Variants in PREX1 observed in about 807,000 individuals in gnomAD.
The protein encoded by PREX1 is phosphatidylinositol-3,4,5-trisphosphate dependent Rac exchange factor 1.
A neutral mutation model predicts 198.3 loss-of-function variants in PREX1; 41 were observed. The observed-to-expected ratio is 0.21, with a 90% CI of 0.16 to 0.27. The LOEUF is 0.27. Among genes scored for constraint, PREX1 ranks in the 10% least tolerant of loss-of-function variants. The probability of loss-of-function intolerance (pLI) is 1.00; values close to 1 mark genes in which losing one functional copy is unlikely to be tolerated. For synonymous variants in PREX1, 843 were observed against 887.2 expected, an observed-to-expected ratio of 0.95 and a Z score of 0.89; for missense variants, 1,620 against 2,200.7, an observed-to-expected ratio of 0.74 and a Z score of 5.28.
intron 2 of PREX1, among the ~76,000 whole-genome samples, chr20:48,746,985 CACACACACACACACACACACACACA>C (rs2090111072): frequency 3.5e-5 from 5 of 141,896 alleles, no homozygotes; most frequent in South Asian, 2.2e-4. Flanking sequence ...CACACACACA[CACACACACACACACACACACACACA>C]CCCCACCCCC....
At position 48,651,538 on chromosome 20, in the gene PREX1, T is replaced by C. The variant is rs753983295; in HGVS notation, c.2513A>G (p.Asp838Gly). ...CACAGTCAGGGTGACCATGGGGCTG[T>C]CCTCACACAGGCTCAGCCGGGGACC... ...SLGPRLSLCE[D>G]SPMVTLTVDN... Residue 838 changes from aspartate (D) to glycine (G), a missense_variant, in exon 22 of 40, where the codon GAC becomes GGC. By Grantham distance (94) the Asp-to-Gly change is moderately conservative (BLOSUM62 -1). Transcript: ENST00000371941. 1 of 1,614,068 alleles carries C rather than the reference T, an allele frequency of 6.2e-7. No homozygotes were observed. The highest frequency in any genetic ancestry group is 1.7e-5 in the Admixed American group (1 of 60,026).
At chr20:48,681,123 C>T in intron 11 of PREX1, 112 bp downstream of exon 11, 1 of 938,130 alleles carries the variant, frequency 1.1e-6, no homozygotes, top group East Asian at 2.4e-5. Flanking sequence ...GCCCAGAAAA[C>T]ACGGCGGCTG....
chr20:48,660,376 T>C (rs749237352), intron 15 of PREX1, among the ~76,000 whole-genome samples: 12 of 152,206 alleles, frequency 7.9e-5, no homozygotes, highest in South Asian at 2.1e-4. Context: ...CAGAAGGGAA[T>C]AGAAGTCACA....
At chr20:48,634,895 G>A in intron 32 of PREX1, 120 bp from the exon 33 acceptor site, 2 of 763,578 alleles carry the variant, frequency 2.6e-6, no homozygotes, top group Non-Finnish European at 4.5e-6. Context: ...TGGGTGCCAG[G>A]TCCTGAGCGT....
rs73909690 is a variant in PREX1 at position 48,626,304 on chromosome 20, G to C, written c.4938-377C>G. Among the ~76,000 whole-genome samples, 1,440 of 152,294 alleles carry C rather than the reference G, an allele frequency of 9.5e-3. 17 individuals are homozygous for C. Among genetic ancestry groups the C allele is most frequent in the African/African-American group, 0.033 (1,355 of 41,552 alleles). ...AACTCTATATGCAGAGATGGTTTTG[G>C]AGCCGGGGGACCAGACAGGAGGCTG... On this transcript the variant is annotated intron_variant, in intron 39 of 39. Coordinates refer to ENST00000371941, the MANE Select transcript of PREX1 (RefSeq NM_020820.4).
At chr20:48,704,973 A>C (rs779898418) in intron 6 of PREX1, among the ~76,000 whole-genome samples, 2 of 152,186 alleles carry the variant, frequency 1.3e-5, no homozygotes, top group Non-Finnish European at 2.9e-5. Context: ...CGCTGGGCAC[A>C]AGTTCCAGTC....
chr20:48,881,782 G>C, the PREX1 span, among the ~76,000 whole-genome samples: 2 of 152,164 alleles, frequency 1.3e-5, no homozygotes, highest in Admixed American at 6.5e-5. Flanking sequence ...ACAGCACCTG[G>C]CCTACAATTC....
At chr20:48,629,011 T>C (rs1257867679) in intron 37 of PREX1, among the ~76,000 whole-genome samples, 1 of 150,698 alleles carries the variant, frequency 6.6e-6, no homozygotes, top group East Asian at 2.0e-4. Context: ...GTGGGGAGAG[T>C]GGGCACAGTT....
chr20:48,671,081 TC>T (rs2089672074), intron 14 of PREX1, among the ~76,000 whole-genome samples: 1 of 152,136 alleles, frequency 6.6e-6, no homozygotes. Flanking sequence ...GCAAGCCACC[TC>T]CCGAAGTCAG....
chr20:48,664,795 A>C (rs1027228737), intron 15 of PREX1, among the ~76,000 whole-genome samples: 1 of 150,932 alleles, frequency 6.6e-6, no homozygotes, highest in African/African-American at 2.4e-5. Context: ...TCCCGGCTCC[A>C]GACGGCCTGA....
At chr20:48,850,722 C>G in the PREX1 span, among the ~76,000 whole-genome samples, 1 of 152,116 alleles carries the variant, frequency 6.6e-6, no homozygotes, top group Non-Finnish European at 1.5e-5. Flanking sequence ...GGAATGGGAG[C>G]CAAGAGCCCG....
intron 7 of PREX1, among the ~76,000 whole-genome samples, chr20:48,693,317 C>A (rs993773851): frequency 6.6e-6 from 1 of 152,180 alleles, no homozygotes; most frequent in Non-Finnish European, 1.5e-5. Context: ...CTCCAAAATT[C>A]ATGTTATATC....
chr20:48,831,238 C>T (rs560198458), upstream of PREX1, among the ~76,000 whole-genome samples: 1 of 152,314 alleles, frequency 6.6e-6, no homozygotes, highest in African/African-American at 2.4e-5. Flanking sequence ...TAAACTTAAG[C>T]TCCCAGCAGG....
intron 7 of PREX1, among the ~76,000 whole-genome samples, chr20:48,696,633 A>G (rs912731721): frequency 6.6e-6 from 1 of 150,934 alleles, no homozygotes; most frequent in Non-Finnish European, 1.5e-5. Flanking sequence ...ACATACATAC[A>G]TACATACACA....
chr20:48,649,565 G>C lies in PREX1; in HGVS notation c.3040C>G (p.Pro1014Ala), dbSNP rs1601043521. ...GLDPEQGHLN[P>A]MSYTQHCITT... ...ATGCAGTGCTGGGTGTACGACATGG[G>C]GTTCAGGTGGCCTGCAGTGGAGGAA... The change falls in exon 25 of 40, where the codon CCC becomes GCC. Residue 1014 changes from proline (P) to alanine (A), a missense_variant. Around this residue, in one of 7 missense-constraint regions of PREX1, gnomAD observed 514 missense variants for 611.6 expected, o/e 0.84. Transcript: ENST00000371941. The C allele has an allele frequency of 1.3e-6, 2 of 1,595,536 alleles. No homozygotes were observed. The highest frequency in any genetic ancestry group is 2.7e-5 in the African/African-American group (2 of 74,498).
intron 6 of PREX1, among the ~76,000 whole-genome samples, 195 bp from the exon 7 acceptor site, chr20:48,701,081 C>T (rs2123068569): frequency 6.6e-6 from 1 of 152,262 alleles, no homozygotes; most frequent in East Asian, 1.9e-4. Context: ...CTGGGGAGGG[C>T]ACACTGATAT....
In PREX1 at chr20:48,681,353, T is replaced by C; in HGVS notation, c.1335-18A>G. On this transcript the variant is annotated intron_variant, in intron 10 of 39. Coordinates refer to ENST00000371941, the MANE Select transcript of PREX1 (RefSeq NM_020820.4). ...CGAACTCACTGCCAGGAACACAATA[T>C]GTGGTTGAGAGGATTTCCCCAATTC... 5 of 1,612,362 alleles carry C rather than the reference T, an allele frequency of 3.1e-6. No homozygotes were observed. The South Asian group carries it at 3.3e-5, about 11-fold the overall frequency.
At chr20:48,747,914 G>C (rs199812019) in intron 1 of PREX1, 34 bp from the exon 2 acceptor site, 1 of 1,574,476 alleles carries the variant, frequency 6.4e-7, no homozygotes, top group Non-Finnish European at 8.7e-7. Flanking sequence ...GTGAGTGTCC[G>C]CGTCTCCAGC....
Position 48,700,748 on chromosome 20 carries a change from C to A in PREX1, c.917+5G>T. 1 of 1,612,814 alleles carries A rather than the reference C, an allele frequency of 6.2e-7. No individual in the cohort carries two copies. The highest frequency in any genetic ancestry group is 8.5e-7 in the Non-Finnish European group (1 of 1,179,990). Reference sequence around the variant, plus strand: ...AGACCCCATCCCAGCCTCCTGGCCACTCACCTGGATTTCCGCTTGCAGTAG... The same window carrying A: ...AGACCCCATCCCAGCCTCCTGGCCAATCACCTGGATTTCCGCTTGCAGTAG... On this transcript the variant is annotated splice_donor_5th_base_variant and intron_variant, in intron 7 of 39. Coordinates refer to ENST00000371941, the MANE Select transcript of PREX1 (RefSeq NM_020820.4).
Sources: gnomAD v4.1 joint callset for allele counts (sites outside exome capture counted in the v4.1 genomes callset) on GRCh38, gnomAD v4.1.1 for gene constraint, gnomAD v4.1.1 regional missense constraint, MANE v1.5 for transcripts, NCBI Gene and HGNC (gene_info 2026-07-23, HGNC 2026-07-21) for gene names.